ARHGEF3: variants seen among roughly 807,000 people sequenced by gnomAD.
The protein encoded by ARHGEF3 is Rho guanine nucleotide exchange factor 3, also known as 59.8 kDA protein.
Under a neutral mutation model 63.2 loss-of-function variants are expected in ARHGEF3, and 28 were observed. The ratio of observed to expected loss-of-function variants is 0.44; its 90% CI spans 0.33 to 0.61. The LOEUF (loss-of-function observed/expected upper bound fraction) is 0.61. ARHGEF3 is among the 20% of genes least tolerant of loss of function. The probability of loss-of-function intolerance (pLI) is 0.03; values close to 1 mark genes in which losing one functional copy is unlikely to be tolerated. For synonymous variants in ARHGEF3, 266 were observed against 254.2 expected (o/e 1.05, Z -0.44); for missense variants, 533 against 659.3 (o/e 0.81, Z 2.10).
At position 56,772,644 on chromosome 3, in the gene ARHGEF3, T is replaced by G. The variant is rs544521586; in HGVS notation, c.204+1065A>C. On this transcript the variant is annotated intron_variant, in intron 2 of 9. Transcript: ENST00000296315. ...AAATCTCAACGTTCACTTTAAAAGATACACTTCATCAACAGTTTAAGAACA... is the reference window on the plus strand; with the variant it reads ...AAATCTCAACGTTCACTTTAAAAGAGACACTTCATCAACAGTTTAAGAACA... 2.4e-4 allele frequency among the ~76,000 whole-genome samples: 36 copies of G among 152,352 alleles called. No individual in the cohort carries two copies. In the Middle Eastern group the frequency reaches 0.014, roughly 58 times the overall value.
intron 2 of ARHGEF3, among the ~76,000 whole-genome samples, chr3:56,757,717 T>C (rs949584454): frequency 6.6e-6 from 1 of 151,768 alleles, no homozygotes; most frequent in African/African-American, 2.4e-5. Flanking sequence ...CCTTTATATA[T>C]TTTTAGCCTT....
intron 3 of ARHGEF3, among the ~76,000 whole-genome samples, chr3:56,956,549 T>G (rs1700051970): frequency 6.6e-6 from 1 of 152,168 alleles, no homozygotes; most frequent in African/African-American, 2.4e-5. Context: ...AGAACATTTT[T>G]CAAGGGAAAA....
intron 4 of ARHGEF3, chr3:56,882,286 A>G: frequency 6.4e-7 from 1 of 1,551,598 alleles, no homozygotes; most frequent in Non-Finnish European, 8.7e-7. Flanking sequence ...AAAGGACTAT[A>G]CTTACACTTA....
At chr3:56,781,769 G>C (rs2036578216) in intron 1 of ARHGEF3, among the ~76,000 whole-genome samples, 1 of 152,190 alleles carries the variant, frequency 6.6e-6, no homozygotes, top group Non-Finnish European at 1.5e-5. Context: ...GCCCAATTTA[G>C]GGAGTGTTTA....
chr3:56,978,339 C>T (rs930355154), intron 2 of ARHGEF3, among the ~76,000 whole-genome samples: 5 of 152,136 alleles, frequency 3.3e-5, no homozygotes, highest in South Asian at 2.1e-4. Context: ...AGGATTGATC[C>T]GGGGAACTTG....
intron 4 of ARHGEF3, among the ~76,000 whole-genome samples, chr3:56,809,949 T>A (rs1578573699): frequency 6.6e-6 from 1 of 152,090 alleles, no homozygotes; most frequent in Admixed American, 6.5e-5. Context: ...GTCAGGCTGG[T>A]CTCGAACTCC....
intron 2 of ARHGEF3, among the ~76,000 whole-genome samples, chr3:57,008,286 T>C (rs2054857): frequency 0.59 from 89,402 of 151,844 alleles, 26,748 homozygotes; most frequent in South Asian, 0.66. Flanking sequence ...CAACCGAGAA[T>C]GAAGACCACG....
intron 2 of ARHGEF3, among the ~76,000 whole-genome samples, chr3:56,983,138 C>T (rs1250442012): frequency 6.6e-6 from 1 of 151,926 alleles, no homozygotes; most frequent in Non-Finnish European, 1.5e-5. Context: ...TTATATGACC[C>T]CTAGGGTGTA....
chr3:56,818,356 A>C (rs1289166148), intron 4 of ARHGEF3, among the ~76,000 whole-genome samples: 1 of 152,244 alleles, frequency 6.6e-6, no homozygotes, highest in African/African-American at 2.4e-5. Flanking sequence ...CTATGTTTGC[A>C]CAGCGACTAC....
intron 2 of ARHGEF3, among the ~76,000 whole-genome samples, chr3:56,969,149 T>C (rs1700796451): frequency 8.9e-6 from 1 of 112,650 alleles, no homozygotes; most frequent in African/African-American, 3.2e-5. Flanking sequence ...AAAGATCTAC[T>C]TGAACAAAGC....
At chr3:56,822,724 G>A (rs2038558740) in intron 4 of ARHGEF3, among the ~76,000 whole-genome samples, 1 of 151,850 alleles carries the variant, frequency 6.6e-6, no homozygotes, top group Admixed American at 6.6e-5. Context: ...GTGGTGGCAG[G>A]CACCTGTAAT....
At chr3:56,994,369 G>A (rs1701892960) in intron 2 of ARHGEF3, among the ~76,000 whole-genome samples, 1 of 152,132 alleles carries the variant, frequency 6.6e-6, no homozygotes, top group Non-Finnish European at 1.5e-5. Context: ...ACTGTGTTGG[G>A]CACTGACCTG....
intron 2 of ARHGEF3, among the ~76,000 whole-genome samples, chr3:56,980,984 G>A (rs1357721928): frequency 6.6e-6 from 1 of 152,170 alleles, no homozygotes; most frequent in Admixed American, 6.5e-5. Flanking sequence ...TTCTGGCTTT[G>A]AGATGACTCA....
At chr3:56,884,343 G>T (rs1244330016) in intron 3 of ARHGEF3, among the ~76,000 whole-genome samples, 10 of 152,160 alleles carry the variant, frequency 6.6e-5, no homozygotes, top group Admixed American at 6.5e-4. Flanking sequence ...ATTTGAATAG[G>T]CCTAAAAGAT....
At position 56,867,680 on chromosome 3, in the gene ARHGEF3, A is replaced by C. The variant is rs533364432; in HGVS notation, c.192+14612T>G. Among the ~76,000 whole-genome samples, 5 of 152,278 alleles carry C rather than the reference A, an allele frequency of 3.3e-5. No homozygotes were observed. The South Asian group carries it at 1.0e-3, about 32-fold the overall frequency. On this transcript the variant is annotated intron_variant, in intron 4 of 12. Transcript: ENST00000338458. Reference sequence around the variant, plus strand: ...GAGACAGGGTTTCGTCGTGTTGCCCAGGTTGGTCTCGAGCTCCTGAGCTCA... The same window carrying C: ...GAGACAGGGTTTCGTCGTGTTGCCCCGGTTGGTCTCGAGCTCCTGAGCTCA...
chr3:56,805,787 T>C (rs2037843553), upstream of ARHGEF3, among the ~76,000 whole-genome samples: 1 of 152,190 alleles, frequency 6.6e-6, no homozygotes, highest in African/African-American at 2.4e-5. Context: ...AGATTACTAA[T>C]GGCCTGTAAC....
upstream of ARHGEF3, chr3:56,801,980 C>T: frequency 6.6e-7 from 1 of 1,518,994 alleles, no homozygotes; most frequent in Non-Finnish European, 8.8e-7. Flanking sequence ...CGGGACCGTG[C>T]CAGCCACGCC....
chr3:56,902,005 C>T (rs1276926538), intron 3 of ARHGEF3, among the ~76,000 whole-genome samples: 1 of 152,122 alleles, frequency 6.6e-6, no homozygotes, highest in Non-Finnish European at 1.5e-5. Context: ...AAATACTAGA[C>T]AGCATTTCAG....
chr3:57,062,508 A>C (rs1248755572), intron 1 of ARHGEF3, among the ~76,000 whole-genome samples: 1 of 152,210 alleles, frequency 6.6e-6, no homozygotes, highest in African/African-American at 2.4e-5. Flanking sequence ...AGAGGGAAGG[A>C]AGCAGGGCAA....
Sources: allele counts gnomAD v4.1 joint callset (sites outside exome capture counted in the v4.1 genomes callset), GRCh38; gene constraint gnomAD v4.1.1; transcripts MANE v1.5; gene names NCBI Gene and HGNC (gene_info 2026-07-23, HGNC 2026-07-21).